PPP6R2: variants seen among roughly 807,000 people sequenced by gnomAD.
The protein encoded by PPP6R2 is protein phosphatase 6 regulatory subunit 2.
Under a neutral mutation model 100.2 loss-of-function variants are expected in PPP6R2, and 62 were observed. The ratio of observed to expected loss-of-function variants is 0.62; its 90% CI spans 0.50 to 0.76. The LOEUF (loss-of-function observed/expected upper bound fraction) is 0.76, where lower values mean the gene tolerates loss of function less well. Among genes scored for constraint, PPP6R2 ranks in the 30% least tolerant of loss-of-function variants. PPP6R2 has a pLI of 0.00. For synonymous variants in PPP6R2, 525 were observed against 514.7 expected, an observed-to-expected ratio of 1.02 and a Z score of -0.27; for missense variants, 1,142 against 1,276.3, an observed-to-expected ratio of 0.89 and a Z score of 1.60.
the PPP6R2 span, among the ~76,000 whole-genome samples, chr22:50,332,626 C>CTA: frequency 7.5e-6 from 1 of 134,128 alleles, no homozygotes. Flanking sequence ...GGTTTAAATC[C>CTA]TTTTTTTTTT....
chr22:50,333,432 G>A, the PPP6R2 span, among the ~76,000 whole-genome samples: 1,142 of 151,932 alleles, frequency 7.5e-3, 4 homozygotes, highest in Middle Eastern at 0.017. Flanking sequence ...CGCCTCCCGG[G>A]TTCACGCCAT....
chr22:50,385,814 C>CTTTTTTTTT (rs1192671164), intron 2 of PPP6R2, among the ~76,000 whole-genome samples: 2 of 75,398 alleles, frequency 2.7e-5, no homozygotes, highest in Non-Finnish European at 2.3e-5. Flanking sequence ...CCGCGCCCAG[C>CTTTTTTTTT]TTTTTTTTTT....
chr22:50,390,982 GA>G (rs2055382641), intron 2 of PPP6R2, among the ~76,000 whole-genome samples: 2 of 148,264 alleles, frequency 1.3e-5, no homozygotes, highest in Admixed American at 6.7e-5. Context: ...CTGGGTGAGA[GA>G]GCAAAACTCC....
chr22:50,383,425 C>G (rs568850247), intron 2 of PPP6R2, among the ~76,000 whole-genome samples: 2 of 152,052 alleles, frequency 1.3e-5, no homozygotes, highest in Non-Finnish European at 2.9e-5. Flanking sequence ...TAGGGTTGCC[C>G]GTGTTTTCCC....
At chr22:50,339,825 TGTA>T (rs1338809981), upstream of PPP6R2, among the ~76,000 whole-genome samples, 4 of 78,266 alleles carry the variant, frequency 5.1e-5, no homozygotes, top group Admixed American at 1.3e-4. Flanking sequence ...GTGTGGGGTA[TGTA>T]GTGTGTGTGG....
chr22:50,396,105 A>T (rs2056763886), intron 3 of PPP6R2, among the ~76,000 whole-genome samples: 1 of 149,878 alleles, frequency 6.7e-6, no homozygotes, highest in African/African-American at 2.5e-5. Context: ...CTGAAGCAGG[A>T]GAATGGCTTG....
chr22:50,439,800 C>G lies in PPP6R2; in HGVS notation c.2228C>G (p.Thr743Ser). The change falls in exon 20 of 24, where the codon ACC becomes AGC. Residue 743 changes from threonine (T) to serine (S), a missense_variant. Coordinates refer to ENST00000612753, the MANE Select transcript of PPP6R2 (RefSeq NM_001242898.2). ...DVGSSVWAAGTSAPEEKGWAK... is the reference protein window; with the variant it reads ...DVGSSVWAAGSSAPEEKGWAK... ...GGTTCCAGTGTGTGGGCAGCTGGCA[C>G]CTCAGCTCCAGAGGAGAAAGGCTGG... 6.2e-7 allele frequency: 1 copy of G among 1,613,874 alleles called. No individual in the cohort carries two copies. Among genetic ancestry groups the G allele is most frequent in the Non-Finnish European group, 8.5e-7 (1 of 1,179,970 alleles).
chr22:50,397,265 G>C (rs1031657207), intron 3 of PPP6R2, among the ~76,000 whole-genome samples: 1 of 152,150 alleles, frequency 6.6e-6, no homozygotes, highest in African/African-American at 2.4e-5. Context: ...ACTAGGGGAA[G>C]ACTTCCCTAA....
the PPP6R2 span, among the ~76,000 whole-genome samples, chr22:50,333,805 A>G: frequency 2.0e-5 from 3 of 152,156 alleles, no homozygotes; most frequent in African/African-American, 7.2e-5. Flanking sequence ...CCACCAAGAC[A>G]TGGAGACCGG....
chr22:50,387,909 A>G (rs2054574813), intron 2 of PPP6R2, among the ~76,000 whole-genome samples: 1 of 152,176 alleles, frequency 6.6e-6, no homozygotes, highest in African/African-American at 2.4e-5. Flanking sequence ...GGGGATGTCG[A>G]TGCTGCATTT....
rs965225499 is a variant in PPP6R2 at position 50,370,692 on chromosome 22, G to A, written c.-147-1328G>A. Among the ~76,000 whole-genome samples the A allele has an allele frequency of 5.9e-5, 9 of 151,506 alleles. No individual in the cohort carries two copies. The East Asian group carries it at 1.7e-3, about 29-fold the overall frequency. Reference sequence around the variant, plus strand: ...TCTGTTGCCCAGGCTGGAGTGCAGTGGCGTGATCTCGGCTCACTGCAACCT... The same window carrying A: ...TCTGTTGCCCAGGCTGGAGTGCAGTAGCGTGATCTCGGCTCACTGCAACCT... On this transcript the variant is annotated intron_variant, in intron 1 of 23. Coordinates refer to ENST00000612753, the MANE Select transcript of PPP6R2 (RefSeq NM_001242898.2).
At chr22:50,338,337 A>G (rs1360458865), upstream of PPP6R2, among the ~76,000 whole-genome samples, 17 of 60,810 alleles carry the variant, frequency 2.8e-4, no homozygotes, top group African/African-American at 1.1e-3. Flanking sequence ...TGTGTGGTAT[A>G]TGTAGTGTGT....
At chr22:50,337,854 TGG>T in the PPP6R2 span, among the ~76,000 whole-genome samples, 1 of 126,838 alleles carries the variant, frequency 7.9e-6, no homozygotes, top group African/African-American at 3.1e-5. Flanking sequence ...TGTGGTGTGT[TGG>T]TGTGTCTGTG....
At chr22:50,425,712 C>T (rs1033605569) in intron 10 of PPP6R2, among the ~76,000 whole-genome samples, 7 of 151,492 alleles carry the variant, frequency 4.6e-5, no homozygotes, top group South Asian at 4.2e-4. Context: ...GCGTGTGGAA[C>T]GGTGTCTCCG....
chr22:50,347,795 T>A (rs1449574489), intron 1 of PPP6R2, among the ~76,000 whole-genome samples: 1 of 152,184 alleles, frequency 6.6e-6, no homozygotes, highest in Non-Finnish European at 1.5e-5. Flanking sequence ...GCTCTTGGCT[T>A]CTCCTTGCCC....
chr22:50,395,898 G>GAA (rs201913766), intron 3 of PPP6R2, among the ~76,000 whole-genome samples: 1 of 147,704 alleles, frequency 6.8e-6, no homozygotes, highest in Non-Finnish European at 1.5e-5. Context: ...AATGGTTGGG[G>GAA]AAAAAAAAAT....
intron 8 of PPP6R2, among the ~76,000 whole-genome samples, chr22:50,421,176 C>T (rs1029176231): frequency 1.6e-4 from 25 of 151,942 alleles, no homozygotes; most frequent in African/African-American, 5.6e-4. Context: ...ATAATGTTAC[C>T]GTTTTCTCTA....
chr22:50,417,444 A>G (rs547194018), intron 6 of PPP6R2, among the ~76,000 whole-genome samples: 168 of 152,292 alleles, frequency 1.1e-3, no homozygotes, highest in African/African-American at 3.6e-3. Flanking sequence ...TAAGGTGACA[A>G]TGGGGCTCCC....
chr22:50,386,080 C>T (rs186876466), intron 2 of PPP6R2, among the ~76,000 whole-genome samples: 24 of 151,884 alleles, frequency 1.6e-4, no homozygotes, highest in Middle Eastern at 6.8e-3. Flanking sequence ...CCGCCTCAGC[C>T]TCCCAAAGTG....
Sources: gnomAD v4.1 joint callset for allele counts (sites outside exome capture counted in the v4.1 genomes callset) on GRCh38, gnomAD v4.1.1 for gene constraint, MANE v1.5 for transcripts, NCBI Gene and HGNC (gene_info 2026-07-23, HGNC 2026-07-21) for gene names.